RELN: variants seen among roughly 807,000 people sequenced by gnomAD.
RELN encodes the protein reelin.
RELN carries 108 observed loss-of-function variants against 427.6 expected under a neutral mutation model. The ratio of observed to expected loss-of-function variants is 0.25; its 90% confidence interval spans 0.22 to 0.30. The LOEUF (loss-of-function observed/expected upper bound fraction) is 0.30. Ranked by LOEUF, RELN falls within the 10% of genes least tolerant of loss-of-function variation. The pLI is 1.00. For synonymous variants in RELN, 1,524 were observed against 1,513.4 expected (o/e 1.01, Z -0.16); for missense variants, 3,715 against 4,302.8 (o/e 0.86, Z 3.82).
intron 2 of RELN, among the ~76,000 whole-genome samples, chr7:103,909,745 ATATATATATTAAAT>A (rs1795309989): frequency 1.5e-4 from 2 of 12,940 alleles, no homozygotes; most frequent in Admixed American, 1.0e-3. Context: ...ATATATATAA[ATATATATATTAAAT>A]ATATATATTT....
chr7:103,948,282 T>TGCACACACACAC (rs1240984264), intron 1 of RELN, among the ~76,000 whole-genome samples: 1 of 152,130 alleles, frequency 6.6e-6, no homozygotes, highest in Non-Finnish European at 1.5e-5. Context: ...AACACACACA[T>TGCACACACACAC]GCACACACAC....
intron 12 of RELN, among the ~76,000 whole-genome samples, chr7:103,658,165 T>G (rs1446930893): frequency 1.3e-5 from 2 of 152,128 alleles, no homozygotes; most frequent in Non-Finnish European, 2.9e-5. Flanking sequence ...CCTCAATGAA[T>G]GTGTTGAATA....
chr7:103,828,972 AAAAACCATCTGCTTT>A (rs1793210410), intron 3 of RELN, among the ~76,000 whole-genome samples: 1 of 151,948 alleles, frequency 6.6e-6, no homozygotes, highest in African/African-American at 2.4e-5. Flanking sequence ...GTGAAGTAGC[AAAAACCATCTGCTTT>A]GAAACCAGAC....
At chr7:103,605,113 A>C (rs1831787456) in intron 22 of RELN, among the ~76,000 whole-genome samples, 2 of 152,232 alleles carry the variant, frequency 1.3e-5, no homozygotes, top group African/African-American at 4.8e-5. Flanking sequence ...TACAGGCGTA[A>C]GCCACCGCGC....
chr7:103,600,751 A>G (rs3025959), intron 24 of RELN, among the ~76,000 whole-genome samples: 1,987 of 152,318 alleles, frequency 0.013, 37 homozygotes, highest in African/African-American at 0.044. Context: ...GGAAAGCTGA[A>G]TTGGAAGGGG....
intron 28 of RELN, among the ~76,000 whole-genome samples, chr7:103,580,061 C>T (rs1302695855): frequency 1.3e-5 from 2 of 152,220 alleles, no homozygotes; most frequent in South Asian, 4.2e-4. Flanking sequence ...GGCAAGAGCC[C>T]GGTGAATTAA....
chr7:103,734,310 T>A (rs778816737), intron 6 of RELN, among the ~76,000 whole-genome samples: 1 of 152,064 alleles, frequency 6.6e-6, no homozygotes, highest in Non-Finnish European at 1.5e-5. Flanking sequence ...AACCTAAGGA[T>A]CAGAAATGAA....
chr7:103,856,254 C>T (rs1793941150), intron 2 of RELN, among the ~76,000 whole-genome samples: 1 of 152,004 alleles, frequency 6.6e-6, no homozygotes, highest in Non-Finnish European at 1.5e-5. Flanking sequence ...GAAGAATAGA[C>T]AGCAGCAGTG....
intron 1 of RELN, among the ~76,000 whole-genome samples, chr7:103,984,746 A>G (rs2116850296): frequency 6.6e-6 from 1 of 152,324 alleles, no homozygotes; most frequent in Non-Finnish European, 1.5e-5. Flanking sequence ...GCATTTGACA[A>G]ATGATTTTGA....
intron 20 of RELN, among the ~76,000 whole-genome samples, chr7:103,623,787 G>A (rs1367677329): frequency 6.6e-6 from 1 of 152,066 alleles, no homozygotes; most frequent in Non-Finnish European, 1.5e-5. Flanking sequence ...ATCCTTCTGG[G>A]GCCTGAATGT....
intron 29 of RELN, among the ~76,000 whole-genome samples, chr7:103,575,180 C>T (rs143958501): frequency 2.0e-5 from 3 of 152,032 alleles, no homozygotes; most frequent in Non-Finnish European, 4.4e-5. Flanking sequence ...GCCTCAGTTT[C>T]CTTAAATATA....
At chr7:103,956,146 T>C (rs1796429684) in intron 1 of RELN, among the ~76,000 whole-genome samples, 1 of 152,218 alleles carries the variant, frequency 6.6e-6, no homozygotes, top group Non-Finnish European at 1.5e-5. Flanking sequence ...TACTGCTTTA[T>C]CTACATTGCT....
At chr7:103,633,348 T>C (rs1256551737) in intron 19 of RELN, among the ~76,000 whole-genome samples, 8 of 152,054 alleles carry the variant, frequency 5.3e-5, no homozygotes, top group African/African-American at 1.9e-4. Flanking sequence ...ACATGGTTTG[T>C]ATTATTTATC....
intron 28 of RELN, among the ~76,000 whole-genome samples, chr7:103,587,256 G>A (rs746862026): frequency 6.6e-5 from 10 of 152,144 alleles, no homozygotes; most frequent in Admixed American, 1.3e-4. Context: ...CTTTGACAAA[G>A]CTGACAAGAA....
intron 63 of RELN, among the ~76,000 whole-genome samples, chr7:103,481,111 T>C (rs1351383996): frequency 6.6e-6 from 1 of 152,198 alleles, no homozygotes; most frequent in Non-Finnish European, 1.5e-5. Flanking sequence ...GTTTCCAATA[T>C]GTGAAGGGGT....
intron 2 of RELN, among the ~76,000 whole-genome samples, chr7:103,899,948 A>T (rs10458285): frequency 6.6e-6 from 1 of 151,854 alleles, no homozygotes; most frequent in African/African-American, 2.4e-5. Context: ...TTCTGGCCAG[A>T]GCAATCAGGC....
intron 13 of RELN, among the ~76,000 whole-genome samples, chr7:103,652,962 CT>C (rs1832954023): frequency 1.3e-5 from 2 of 152,146 alleles, no homozygotes; most frequent in South Asian, 4.1e-4. Context: ...AGAATTCTTC[CT>C]GTGCACGAGG....
chr7:103,851,905 T>G (rs190963034), intron 2 of RELN, among the ~76,000 whole-genome samples: 1 of 152,196 alleles, frequency 6.6e-6, no homozygotes, highest in African/African-American at 2.4e-5. Context: ...GTGAGCCCTC[T>G]GTGTTCTTTA....
intron 3 of RELN, among the ~76,000 whole-genome samples, chr7:103,825,738 T>C (rs1208545402): frequency 1.3e-5 from 2 of 152,164 alleles, no homozygotes; most frequent in Non-Finnish European, 2.9e-5. Flanking sequence ...ATGTGGCTAC[T>C]GAGAACTCAA....
Sources: gnomAD v4.1 joint callset for allele counts (sites outside exome capture counted in the v4.1 genomes callset) on GRCh38, gnomAD v4.1.1 for gene constraint, MANE v1.5 for transcripts, NCBI Gene and HGNC (gene_info 2026-07-23, HGNC 2026-07-21) for gene names.